Variants in ST6GALNAC3 observed in about 807,000 individuals in gnomAD.
ST6GALNAC3 encodes the protein alpha-N-acetylgalactosaminide alpha-2,6-sialyltransferase 3.
In ST6GALNAC3, 25 loss-of-function variants were observed where a neutral mutation model predicts 32.7. The observed-to-expected ratio is 0.76, with a 90% CI of 0.56 to 1.07. The LOEUF (loss-of-function observed/expected upper bound fraction) is 1.07, where lower values mean the gene tolerates loss of function less well. ST6GALNAC3 is among the 50% of genes least tolerant of loss of function. The pLI is 0.00. For missense variants in ST6GALNAC3, 355 were observed against 382.4 expected, an observed-to-expected ratio of 0.93 and a Z score of 0.60; for synonymous variants, 129 against 133.1, an observed-to-expected ratio of 0.97 and a Z score of 0.21.
intron 3 of ST6GALNAC3, among the ~76,000 whole-genome samples, chr1:76,580,413 A>G (rs1646875560): frequency 6.6e-6 from 1 of 152,142 alleles, no homozygotes; most frequent in South Asian, 2.1e-4. Context: ...GTTCTGTCAC[A>G]TGACTTTAAC....
intron 1 of ST6GALNAC3, among the ~76,000 whole-genome samples, chr1:76,077,864 C>T (rs1646838131): frequency 6.6e-6 from 1 of 152,142 alleles, no homozygotes; most frequent in South Asian, 2.1e-4. Flanking sequence ...TTGGGGTAGC[C>T]TGTTCTGATT....
chr1:76,225,354 G>A (rs769047727), intron 1 of ST6GALNAC3, among the ~76,000 whole-genome samples: 3 of 152,274 alleles, frequency 2.0e-5, no homozygotes, highest in Non-Finnish European at 1.5e-5. Context: ...TTGGTCCCTT[G>A]TGAAGAATGT....
chr1:76,093,862 C>T (rs758375609), intron 1 of ST6GALNAC3, among the ~76,000 whole-genome samples: 6 of 152,194 alleles, frequency 3.9e-5, no homozygotes, highest in African/African-American at 1.4e-4. Flanking sequence ...CTTTGTTGAA[C>T]ATGCCACATA....
rs562157114 is a variant in ST6GALNAC3 at position 76,186,081 on chromosome 1, A to G, written c.18+111197A>G. On this transcript the variant is annotated intron_variant, in intron 1 of 4. Coordinates refer to ENST00000328299, the MANE Select transcript of ST6GALNAC3 (RefSeq NM_152996.4). ...AATCCTCCACAGATATGGAGGGACC[A>G]CTGTTCTCTTATACCCAGTTCTCCT... Among the ~76,000 whole-genome samples, 8 of 152,254 alleles carry G rather than the reference A, an allele frequency of 5.3e-5. No homozygotes were observed. The South Asian group carries it at 1.7e-3, about 32-fold the overall frequency.
intron 1 of ST6GALNAC3, among the ~76,000 whole-genome samples, chr1:76,304,171 C>A (rs1394809801): frequency 6.6e-6 from 1 of 151,986 alleles, no homozygotes; most frequent in African/African-American, 2.4e-5. Context: ...TTCTCTCCTT[C>A]ATTCTTTCAT....
At chr1:76,574,788 CA>C in intron 3 of ST6GALNAC3, among the ~76,000 whole-genome samples, 1 of 152,150 alleles carries the variant, frequency 6.6e-6, no homozygotes, top group East Asian at 1.9e-4. Context: ...TAGCTTGTAT[CA>C]AAGAGCACCA....
At chr1:76,553,862 A>G (rs1279092922) in intron 3 of ST6GALNAC3, among the ~76,000 whole-genome samples, 1 of 151,002 alleles carries the variant, frequency 6.6e-6, no homozygotes, top group Non-Finnish European at 1.5e-5. Flanking sequence ...TATGATTTTG[A>G]TGGTGGTTGA....
At chr1:76,585,332 G>A (rs1463965814) in intron 3 of ST6GALNAC3, among the ~76,000 whole-genome samples, 1 of 151,378 alleles carries the variant, frequency 6.6e-6, no homozygotes, top group Admixed American at 6.6e-5. Context: ...GTTGCAGTGA[G>A]CTAAGATCAT....
intron 2 of ST6GALNAC3, among the ~76,000 whole-genome samples, chr1:76,407,330 A>G (rs1236131826): frequency 6.6e-6 from 1 of 152,128 alleles, no homozygotes; most frequent in African/African-American, 2.4e-5. Context: ...TGGTTATTCA[A>G]TAGATGTCAC....
intron 2 of ST6GALNAC3, among the ~76,000 whole-genome samples, chr1:76,384,168 C>T (rs1369791202): frequency 6.6e-6 from 1 of 151,836 alleles, no homozygotes; most frequent in Non-Finnish European, 1.5e-5. Context: ...ATATCAGGCA[C>T]AGAAAGGTTA....
chr1:76,587,719 G>C lies in ST6GALNAC3; in HGVS notation c.624-39733G>C, dbSNP rs534597975. ...GGCACGTAATGGCTCTTGATAAATG[G>C]AATTTAAAAGGAGAGCCTGTCCCTC... On this transcript the variant is annotated intron_variant, in intron 3 of 4. Coordinates refer to ENST00000328299, the MANE Select transcript of ST6GALNAC3 (RefSeq NM_152996.4). Among the ~76,000 whole-genome samples, 18 of 152,288 alleles carry C rather than the reference G, an allele frequency of 1.2e-4. No homozygotes were observed. In the South Asian group the frequency reaches 3.5e-3, roughly 30 times the overall value.
chr1:76,322,654 CA>C (rs1469599080), intron 2 of ST6GALNAC3, among the ~76,000 whole-genome samples: 4 of 152,250 alleles, frequency 2.6e-5, no homozygotes, highest in Admixed American at 2.6e-4. Context: ...AGTAGCCTTA[CA>C]AAGCCTTATT....
chr1:76,575,680 G>A (rs187221789), intron 3 of ST6GALNAC3, among the ~76,000 whole-genome samples: 315 of 152,120 alleles, frequency 2.1e-3, no homozygotes, highest in African/African-American at 6.2e-3. Context: ...AAGGAAATCC[G>A]TAGGGAAAAG....
intron 1 of ST6GALNAC3, among the ~76,000 whole-genome samples, chr1:76,208,358 T>G (rs1654951365): frequency 6.6e-6 from 1 of 152,258 alleles, no homozygotes; most frequent in Admixed American, 6.5e-5. Flanking sequence ...GTTTGGTCAT[T>G]TTCACTTTAT....
At chr1:76,501,758 GT>G (rs1661190567) in intron 3 of ST6GALNAC3, among the ~76,000 whole-genome samples, 1 of 152,208 alleles carries the variant, frequency 6.6e-6, no homozygotes, top group Admixed American at 6.5e-5. Flanking sequence ...TGAGTGCACA[GT>G]ATGAAGCCGG....
At chr1:76,383,279 T>A (rs1304208136) in intron 2 of ST6GALNAC3, among the ~76,000 whole-genome samples, 2 of 152,080 alleles carry the variant, frequency 1.3e-5, no homozygotes, top group East Asian at 3.8e-4. Context: ...TTATTTTTTT[T>A]AAAGTTGTAG....
chr1:76,570,366 C>T (rs527688894), intron 3 of ST6GALNAC3, among the ~76,000 whole-genome samples: 15 of 151,820 alleles, frequency 9.9e-5, no homozygotes, highest in African/African-American at 3.4e-4. Context: ...TCTCCCTCTC[C>T]TCTTTCCTTT....
chr1:76,166,358 G>C (rs6698059), intron 1 of ST6GALNAC3, among the ~76,000 whole-genome samples: 2 of 151,886 alleles, frequency 1.3e-5, no homozygotes, highest in African/African-American at 4.8e-5. Context: ...TGATTGGTCT[G>C]TTTTCTCTTT....
At chr1:76,499,899 C>T (rs550064755) in intron 3 of ST6GALNAC3, among the ~76,000 whole-genome samples, 31 of 152,114 alleles carry the variant, frequency 2.0e-4, no homozygotes, top group African/African-American at 7.2e-4. Flanking sequence ...CGTAAATAGA[C>T]AACCGACAAA....
Sources: allele counts gnomAD v4.1 joint callset (sites outside exome capture counted in the v4.1 genomes callset), GRCh38; gene constraint gnomAD v4.1.1; transcripts MANE v1.5; gene names NCBI Gene and HGNC (gene_info 2026-07-23, HGNC 2026-07-21).